The following ADARB2 variants were observed in gnomAD, a reference collection of about 807,000 sequenced individuals.
ADARB2 encodes the protein inactive double-stranded RNA-specific editase B2.
In ADARB2, 25 loss-of-function variants were observed where a neutral mutation model predicts 62.2. The observed-to-expected ratio is 0.40, with a 90% CI of 0.29 to 0.56. The LOEUF is 0.56. Among genes scored for constraint, ADARB2 ranks in the 20% least tolerant of loss-of-function variants. The pLI is 0.43. For synonymous variants in ADARB2, 572 were observed against 500.8 expected, an observed-to-expected ratio of 1.14 and a Z score of -1.90; for missense variants, 1,071 against 1,077.4, an observed-to-expected ratio of 0.99 and a Z score of 0.08.
intron 6 of ADARB2, among the ~76,000 whole-genome samples, chr10:1,225,731 T>C (rs185352635): frequency 6.9e-6 from 1 of 144,868 alleles, no homozygotes; most frequent in Non-Finnish European, 1.6e-5. Flanking sequence ...GAATGTCGAA[T>C]GTTGGTCCCC....
chr10:1,586,228 A>G (rs1369706532), intron 1 of ADARB2, among the ~76,000 whole-genome samples: 1 of 152,174 alleles, frequency 6.6e-6, no homozygotes, highest in African/African-American at 2.4e-5. Flanking sequence ...ATTAAAGTCT[A>G]TTAACAACAA....
intron 3 of ADARB2, among the ~76,000 whole-genome samples, chr10:1,303,502 C>T (rs1486587750): frequency 9.2e-5 from 14 of 152,142 alleles, no homozygotes; most frequent in South Asian, 2.1e-4. Context: ...GGCAGGCCAA[C>T]GTTCAGATTC....
chr10:1,644,641 CAAT>C (rs1278193137), intron 1 of ADARB2, among the ~76,000 whole-genome samples: 1 of 152,220 alleles, frequency 6.6e-6, no homozygotes, highest in Non-Finnish European at 1.5e-5. Context: ...AGTGGACAGT[CAAT>C]GATGCTGGCG....
In ADARB2 at chr10:1,607,814, G is replaced by A. The variant is rs114983193; in HGVS notation, c.100+129237C>T. ...AGCCATCACCCACACTGGACATGACGCGGCTGACCTCTGTGGGCTTAGGGC... is the reference window on the plus strand; with the variant it reads ...AGCCATCACCCACACTGGACATGACACGGCTGACCTCTGTGGGCTTAGGGC... On this transcript the variant is annotated intron_variant, in intron 1 of 9. Coordinates refer to ENST00000381312, the MANE Select transcript of ADARB2 (RefSeq NM_018702.4). Among the ~76,000 whole-genome samples, 205 of 152,334 alleles carry A rather than the reference G, an allele frequency of 1.3e-3. 1 individual carries two copies. Among genetic ancestry groups the A allele is most frequent in the African/African-American group, 4.6e-3 (191 of 41,580 alleles).
At chr10:1,673,814 G>A (rs1003673431) in intron 1 of ADARB2, among the ~76,000 whole-genome samples, 5 of 152,256 alleles carry the variant, frequency 3.3e-5, no homozygotes, top group Non-Finnish European at 7.3e-5. Flanking sequence ...TACCAGGAGG[G>A]GCAGCTGGGC....
At chr10:1,484,801 T>A (rs780137568) in intron 1 of ADARB2, among the ~76,000 whole-genome samples, 1 of 152,120 alleles carries the variant, frequency 6.6e-6, no homozygotes, top group African/African-American at 2.4e-5. Flanking sequence ...CAGGTACCCA[T>A]GTAGACATCC....
At chr10:1,616,520 G>T (rs1190254300) in intron 1 of ADARB2, among the ~76,000 whole-genome samples, 3 of 141,636 alleles carry the variant, frequency 2.1e-5, no homozygotes, top group Non-Finnish European at 4.5e-5. Context: ...GGCCTCAGAG[G>T]GTTGCATTCT....
chr10:1,488,221 C>CAAAAAAAAA (rs573554204), intron 1 of ADARB2, among the ~76,000 whole-genome samples: 3 of 130,326 alleles, frequency 2.3e-5, no homozygotes, highest in East Asian at 2.4e-4. Context: ...TCAGATTTGG[C>CAAAAAAAAA]AAAGAAAAAA....
At chr10:1,233,321 C>T (rs1034597978) in intron 6 of ADARB2, among the ~76,000 whole-genome samples, 4 of 152,194 alleles carry the variant, frequency 2.6e-5, no homozygotes, top group Admixed American at 6.5e-5. Context: ...TTTTCCTCCC[C>T]AACGCTGTGA....
chr10:1,499,169 C>A (rs1202225003), intron 1 of ADARB2, among the ~76,000 whole-genome samples: 1 of 151,716 alleles, frequency 6.6e-6, no homozygotes, highest in Non-Finnish European at 1.5e-5. Context: ...ACTCATCATT[C>A]ATCATTCACT....
intron 1 of ADARB2, among the ~76,000 whole-genome samples, chr10:1,685,030 G>A (rs1834582051): frequency 6.6e-6 from 1 of 152,208 alleles, no homozygotes; most frequent in Non-Finnish European, 1.5e-5. Context: ...GCTCATGGGT[G>A]GGTGGGGACT....
chr10:1,462,033 G>C (rs759947654), intron 1 of ADARB2, among the ~76,000 whole-genome samples: 2 of 152,164 alleles, frequency 1.3e-5, no homozygotes, highest in Non-Finnish European at 1.5e-5. Flanking sequence ...ATTATTAAAA[G>C]TTGTTTTAAT....
Position 1,242,092 on chromosome 10 carries a change from G to A in ADARB2, c.1361+39C>T, listed in dbSNP as rs373332991. 3,662 of 1,552,292 alleles carry A rather than the reference G, an allele frequency of 2.4e-3. 10 individuals are homozygous for A. The highest frequency in any genetic ancestry group is 2.8e-3 in the Non-Finnish European group (3,227 of 1,151,396). On this transcript the variant is annotated intron_variant, in intron 5 of 9. Transcript: ENST00000381312. Reference sequence around the variant, plus strand: ...CTGCTCCCTGGCAGCCCCCAGCCGCGGCGTCCGCCTTCCCTGGAGCCCGTC... The same window carrying A: ...CTGCTCCCTGGCAGCCCCCAGCCGCAGCGTCCGCCTTCCCTGGAGCCCGTC...
Position 1,722,821 on chromosome 10 carries a change from G to A in ADARB2, c.100+14230C>T, listed in dbSNP as rs115852962. Among the ~76,000 whole-genome samples the A allele has an allele frequency of 8.3e-3, 1,262 of 152,204 alleles. 18 individuals carry two copies. Among genetic ancestry groups the A allele is most frequent in the African/African-American group, 0.028 (1,183 of 41,530 alleles). On this transcript the variant is annotated intron_variant, in intron 1 of 9. Transcript: ENST00000381312. ...TTTGCCTATCTGAATCTAGTTCAAC[G>A]ACCTCTGCAGTTTCCTTTAACCCTC... is the stretch of plus-strand genomic sequence containing the variant.
chr10:1,190,952 C>CGGA (rs1836834315), intron 8 of ADARB2, among the ~76,000 whole-genome samples: 1 of 152,226 alleles, frequency 6.6e-6, no homozygotes, highest in South Asian at 2.1e-4. Flanking sequence ...AGCGCTCTTC[C>CGGA]GGAGGAGGGG....
At chr10:1,732,150 A>AT (rs1434216038) in intron 1 of ADARB2, among the ~76,000 whole-genome samples, 4 of 151,952 alleles carry the variant, frequency 2.6e-5, no homozygotes, top group Non-Finnish European at 5.9e-5. Context: ...AATTGCTCAA[A>AT]TGTTTCAGCT....
chr10:1,609,234 T>A (rs1489617167), intron 1 of ADARB2, among the ~76,000 whole-genome samples: 1 of 152,188 alleles, frequency 6.6e-6, no homozygotes, highest in African/African-American at 2.4e-5. Flanking sequence ...TTTAATAGAC[T>A]TTTTTCCACT....
intron 1 of ADARB2, among the ~76,000 whole-genome samples, chr10:1,644,301 C>A (rs1341023515): frequency 6.6e-6 from 1 of 152,256 alleles, no homozygotes; most frequent in African/African-American, 2.4e-5. Flanking sequence ...CCATCAATGT[C>A]CCCGAGCTGC....
intron 1 of ADARB2, among the ~76,000 whole-genome samples, chr10:1,450,412 G>A (rs527625336): frequency 1.6e-4 from 25 of 152,326 alleles, no homozygotes; most frequent in African/African-American, 5.8e-4. Flanking sequence ...ATGCAGAGCT[G>A]CCCCTGCCTC....
Sources: gnomAD v4.1 joint callset for allele counts (sites outside exome capture counted in the v4.1 genomes callset) on GRCh38, gnomAD v4.1.1 for gene constraint, MANE v1.5 for transcripts, NCBI Gene and HGNC (gene_info 2026-07-23, HGNC 2026-07-21) for gene names.